KMT2B: variants seen among roughly 807,000 people sequenced by gnomAD.
KMT2B encodes the protein lysine methyltransferase 2B.
Under a neutral mutation model 255.3 loss-of-function variants are expected in KMT2B, and 22 were observed. The ratio of observed to expected loss-of-function variants is 0.09; its 90% CI spans 0.06 to 0.12. KMT2B has a LOEUF of 0.12. KMT2B is among the 10% of genes least tolerant of loss of function. The pLI is 1.00. For synonymous variants in KMT2B, 1,730 were observed against 1,498.1 expected (o/e 1.15, Z -3.57); for missense variants, 3,149 against 3,737.0 (o/e 0.84, Z 4.10).
At position 35,730,481 on chromosome 19, in the gene KMT2B, G is replaced by T. The variant is rs764557497; in HGVS notation, c.5197+19G>T. On this transcript the variant is annotated intron_variant, in intron 24 of 36. Coordinates refer to ENST00000420124, the MANE Select transcript of KMT2B (RefSeq NM_014727.3). Reference sequence around the variant, plus strand: ...CTCATTGGTAAGCTGCCTGCTCTCCGCCCTGTCCTCCTACCCTGTCCTGCC... The same window carrying T: ...CTCATTGGTAAGCTGCCTGCTCTCCTCCCTGTCCTCCTACCCTGTCCTGCC... 6.2e-7 allele frequency: 1 copy of T among 1,613,914 alleles called. No individual in the cohort carries two copies. Among genetic ancestry groups the T allele is most frequent in the Non-Finnish European group, 8.5e-7 (1 of 1,179,860 alleles).
rs1290586818 is a variant in KMT2B at position 35,727,372 on chromosome 19, T to C, written c.4118-66T>C. 1 of 1,593,884 alleles carries C rather than the reference T, an allele frequency of 6.3e-7. No homozygotes were observed. The highest frequency in any genetic ancestry group is 8.6e-7 in the Non-Finnish European group (1 of 1,162,618). ...GGTGGGCTAAGGGTCCTTGCTGGCC[T>C]AGGGGCTGCTGGGAGCCCTCACATC... On this transcript the variant is annotated intron_variant, in intron 15 of 36. Coordinates refer to ENST00000420124, the MANE Select transcript of KMT2B (RefSeq NM_014727.3). This position sits in a 1 kb window ranked among gnomAD's most constrained non-coding sequence, Gnocchi z 4.2.
In KMT2B at chr19:35,718,923, T is replaced by C. The variant is rs1444235405; in HGVS notation, c.363+542T>C. ...ACTGGGCACTCTAGCAGGTCAGAGC[T>C]CAGCTCAGGATTTCTCCCCCAGCCT... On this transcript the variant is annotated intron_variant, in intron 1 of 36. Coordinates refer to ENST00000420124, the MANE Select transcript of KMT2B (RefSeq NM_014727.3). The surrounding 1 kb of genome is among the most constrained non-coding windows in gnomAD (Gnocchi z 5.0). Among the ~76,000 whole-genome samples, 1 of 152,130 alleles carries C rather than the reference T, an allele frequency of 6.6e-6. No homozygotes were observed. The highest frequency in any genetic ancestry group is 2.4e-5 in the African/African-American group (1 of 41,418).
chr19:35,720,198 A>T lies in KMT2B; in HGVS notation c.851A>T (p.Gln284Leu), dbSNP rs767839540. ...CCTGGGACCCCCAGGCGTGGAGGAC[A>T]GTCAAGCCGTGGAGGCCGTGGAGGC... ...PGPGTPRRGG[Q>L]SSRGGRGGRG... The change falls in exon 3 of 37, where the codon CAG becomes CTG. Residue 284 changes from glutamine to leucine, a missense_variant. Gln to Leu is a moderately radical substitution (Grantham distance 113). This residue lies in a region of KMT2B where 1,188 missense variants were observed against 1,106.4 expected (regional missense o/e 1.07). Coordinates refer to ENST00000420124, the MANE Select transcript of KMT2B (RefSeq NM_014727.3). The T allele has an allele frequency of 6.2e-7, 1 of 1,608,528 alleles. No homozygotes were observed. Among genetic ancestry groups the T allele is most frequent in the Admixed American group, 1.7e-5 (1 of 59,102 alleles).
intron 5 of KMT2B, 64 bp from the exon 6 acceptor site, chr19:35,722,931 G>A: frequency 6.8e-7 from 1 of 1,467,290 alleles, no homozygotes; most frequent in Non-Finnish European, 9.0e-7. Context: ...GGGAAAGCAG[G>A]GAAGTGAGGT....
Position 35,738,048 on chromosome 19 carries a change from A to C in KMT2B, c.7743-14A>C. 6.2e-7 allele frequency: 1 copy of C among 1,613,782 alleles called. No individual in the cohort carries two copies. Among genetic ancestry groups the C allele is most frequent in the Non-Finnish European group, 8.5e-7 (1 of 1,179,816 alleles). On this transcript the variant is annotated splice_polypyrimidine_tract_variant and intron_variant, in intron 35 of 36. Coordinates refer to ENST00000420124, the MANE Select transcript of KMT2B (RefSeq NM_014727.3). This position sits in a 1 kb window ranked among gnomAD's most constrained non-coding sequence, Gnocchi z 8.7. ...CCCCTCCCCCCTGAGTTCCCTGTTCATCCTGCCCTGCAGATCAGCCATCCA... is the reference window on the plus strand; with the variant it reads ...CCCCTCCCCCCTGAGTTCCCTGTTCCTCCTGCCCTGCAGATCAGCCATCCA...
chr19:35,721,943 C>T (rs1969231321), intron 3 of KMT2B, 139 bp downstream of exon 3: 2 of 1,193,364 alleles, frequency 1.7e-6, no homozygotes, highest in African/African-American at 1.5e-5. Flanking sequence ...GATCCCCCAC[C>T]TTCCTTTGTT....
Position 35,724,593 on chromosome 19 carries a change from G to T in KMT2B, c.3335-44G>T, listed in dbSNP as rs745636065. ...CATTTGGGGTTGTAGAAGAAGAGGG[G>T]CGTGGAAGGGGAGTGACCTCACTGC... is the stretch of plus-strand genomic sequence containing the variant. On this transcript the variant is annotated intron_variant, in intron 8 of 36. Transcript: ENST00000420124. 6.1e-6 allele frequency: 9 copies of T among 1,471,230 alleles called. 1 individual carries two copies. Among genetic ancestry groups the T allele is most frequent in the Non-Finnish European group, 8.4e-6 (9 of 1,072,670 alleles). The allele number at this position is 1,471,230 out of a possible 1,614,324, so 91.1% of individuals were successfully genotyped here.
At position 35,727,539 on chromosome 19, in the gene KMT2B, G is replaced by A. The variant is rs186268702; in HGVS notation, c.4219G>A (p.Gly1407Arg). The A allele has an allele frequency of 5.2e-4, 840 of 1,608,538 alleles. 1 individual carries two copies. Among genetic ancestry groups the A allele is most frequent in the Admixed American group, 3.3e-3 (196 of 59,920 alleles). The change falls in exon 16 of 37, where the codon GGG becomes AGG. Residue 1407 changes from glycine (G) to arginine (R), a missense_variant. Physicochemically the swap from Gly to Arg is moderately radical, Grantham distance 125 (BLOSUM62 -2). Around this residue, in one of 18 missense-constraint regions of KMT2B, gnomAD observed 377 missense variants for 471.0 expected, o/e 0.80. Transcript: ENST00000420124. This position sits in a 1 kb window ranked among gnomAD's most constrained non-coding sequence, Gnocchi z 4.2. The stretch of plus-strand genomic sequence containing the variant: ...GCCCCGCTGGCGAGAGGCCCTGAGC[G>A]GGGCCCTCCAGGGGGGCCTGCGCCA... ...AQPRWREALS[G>R]ALQGGLRQVL...
chr19:35,728,936 C>A, intron 20 of KMT2B, 47 bp downstream of exon 20: 1 of 1,612,618 alleles, frequency 6.2e-7, no homozygotes, highest in African/African-American at 1.3e-5. Flanking sequence ...TGTTGGTGGC[C>A]TGGCTCCGGG....
rs1200877558 is a variant in KMT2B, at chr19:35,722,691, C to T, written c.2695C>T (p.Arg899Trp). The T allele has an allele frequency of 3.1e-6, 5 of 1,608,336 alleles. No homozygotes were observed. Among genetic ancestry groups the T allele is most frequent in the Non-Finnish European group, 2.5e-6 (3 of 1,177,180 alleles). ...DVPRLSALPLRDRQDLATEDT... is the reference protein window; with the variant it reads ...DVPRLSALPLWDRQDLATEDT... ...CCCTCGCCTCAGTGCCCTCCCTCTCCGGGATCGGCAGGACCTCGCCACAGA... is the reference window on the plus strand; with the variant it reads ...CCCTCGCCTCAGTGCCCTCCCTCTCTGGGATCGGCAGGACCTCGCCACAGA... Residue 899 changes from arginine to tryptophan, a missense_variant, in exon 5 of 37, where the codon CGG (arginine) becomes TGG (tryptophan). Physicochemically the swap from Arg to Trp is moderately radical, Grantham distance 101 (BLOSUM62 -3). Around this residue, in one of 18 missense-constraint regions of KMT2B, gnomAD observed 132 missense variants for 174.7 expected, o/e 0.76. Transcript: ENST00000420124.
At chr19:35,736,108 G>C (rs541857308) in intron 30 of KMT2B, 2 of 150,536 alleles carry the variant, frequency 1.3e-5, no homozygotes, top group Non-Finnish European at 1.5e-5. Flanking sequence ...AAAATTAGCC[G>C]GGCGTGGTGG....
In KMT2B at chr19:35,727,302, A is replaced by G; in HGVS notation, c.4117+33A>G. On this transcript the variant is annotated intron_variant, in intron 15 of 36. Transcript: ENST00000420124. The surrounding 1 kb of genome is among the most constrained non-coding windows in gnomAD (Gnocchi z 4.2). ...AGTGGAGCACCTGGGCTGCAGCCTCAACCCTGTGGGGACCCCTGCCCCCAC... is the reference window on the plus strand; with the variant it reads ...AGTGGAGCACCTGGGCTGCAGCCTCGACCCTGTGGGGACCCCTGCCCCCAC... 6.3e-7 allele frequency: 1 copy of G among 1,593,430 alleles called. No individual in the cohort carries two copies. Among genetic ancestry groups the G allele is most frequent in the South Asian group, 1.1e-5 (1 of 90,620 alleles).
Position 35,719,539 on chromosome 19 carries a change from G to T in KMT2B, c.434G>T (p.Arg145Leu), listed in dbSNP as rs868239007. The change falls in exon 2 of 37, where the codon CGA (arginine) becomes CTA (leucine). Residue 145 changes from arginine (R) to leucine (L), a missense_variant and splice_region_variant. Around this residue, in one of 18 missense-constraint regions of KMT2B, gnomAD observed 1,188 missense variants for 1,106.4 expected, o/e 1.07. Coordinates refer to ENST00000420124, the MANE Select transcript of KMT2B (RefSeq NM_014727.3). Reference protein sequence around the residue: ...SSLRSALRSQRGRAPRGRGRK... With the variant: ...SSLRSALRSQLGRAPRGRGRK... ...CTGCGCTCTGCGCTCCGATCCCAGC[G>T]AGGTGAGTGACGGGGGAACTCCACC... The T allele has an allele frequency of 1.3e-6, 2 of 1,587,370 alleles. No homozygotes were observed. The highest frequency in any genetic ancestry group is 8.6e-7 in the Non-Finnish European group (1 of 1,166,830).
rs1007147127 is a variant in KMT2B at position 35,720,921 on chromosome 19, G to A, written c.1574G>A (p.Arg525Gln). 10 of 1,610,296 alleles carry A rather than the reference G, an allele frequency of 6.2e-6. No homozygotes were observed. The highest frequency in any genetic ancestry group is 4.0e-5 in the African/African-American group (3 of 74,614). ...PKSTTFLKNI[R>Q]QFIMPVVSAR... ...AGCACCACCTTCCTGAAGAATATCC[G>A]GCAGTTTATTATGCCTGTGGTGAGT... is the stretch of plus-strand genomic sequence containing the variant. The change falls in exon 3 of 37, where the codon CGG (arginine) becomes CAG (glutamine). Residue 525 changes from arginine to glutamine, a missense_variant. Transcript: ENST00000420124.
Position 35,730,793 on chromosome 19 carries a change from C to T in KMT2B, c.5363C>T (p.Pro1788Leu), listed in dbSNP as rs773061649. ...CRILEYRPWGPREEPAHLEAA... is the reference protein window; with the variant it reads ...CRILEYRPWGLREEPAHLEAA... ...ATTCTGGAGTATCGGCCATGGGGGC[C>T]GAGGGAAGAGCCAGCTCACCTGGAG... The change falls in exon 26 of 37, where the codon CCG becomes CTG. Residue 1788 changes from proline (P) to leucine (L), a missense_variant. By Grantham distance (98) the Pro-to-Leu change is moderately conservative. Transcript: ENST00000420124. The T allele has an allele frequency of 7.4e-6, 12 of 1,613,700 alleles. No homozygotes were observed. The highest frequency in any genetic ancestry group is 2.2e-5 in the East Asian group (1 of 44,888).
In KMT2B at chr19:35,720,353, T is replaced by C; in HGVS notation, c.1006T>C (p.Trp336Arg). Residue 336 changes from tryptophan (W) to arginine (R), a missense_variant, in exon 3 of 37, where the codon TGG becomes CGG. Trp to Arg is a moderately radical substitution (Grantham distance 101). Coordinates refer to ENST00000420124, the MANE Select transcript of KMT2B (RefSeq NM_014727.3). ...AGGTCAAGGTCAACATGAGGAAAGT[T>C]GGCAGGATGTCCCCCAAAGAAGAGT... The part of the protein sequence containing the change: ...GQGQGQHEES[W>R]QDVPQRRVGS... 1 of 1,606,800 alleles carries C rather than the reference T, an allele frequency of 6.2e-7. No individual in the cohort carries two copies. The highest frequency in any genetic ancestry group is 8.5e-7 in the Non-Finnish European group (1 of 1,176,702).
Position 35,733,224 on chromosome 19 carries a change from C to T in KMT2B, c.6675C>T (p.Ser2225=), listed in dbSNP as rs1969785328. The T allele has an allele frequency of 1.3e-6, 2 of 1,488,134 alleles. No homozygotes were observed. The highest frequency in any genetic ancestry group is 1.8e-6 in the Non-Finnish European group (2 of 1,092,202). 92.2% of individuals were successfully genotyped at this position (1,488,134 alleles called of 1,614,324 possible). A position where few individuals can be genotyped will look rare whatever the true frequency, so the allele number is the denominator to read the frequency against. The part of the protein sequence containing the change: ...VKQPPLPPTI[S]PTAPTSWTLP... ...AGCCACCTTTGCCCCCCACCATTTC[C>T]CCCACGGCTCCCACCTCCTGGACTC... is the stretch of plus-strand genomic sequence containing the variant. Residue 2225 remains serine (S), a synonymous_variant, in exon 28 of 37, where the codon TCC becomes TCT. Transcript: ENST00000420124. The surrounding 1 kb of genome is among the most constrained non-coding windows in gnomAD (Gnocchi z 4.3).
intron 13 of KMT2B, 40 bp from the exon 14 acceptor site, chr19:35,726,196 C>T (rs372784832): frequency 3.4e-5 from 51 of 1,488,470 alleles, no homozygotes; most frequent in Non-Finnish European, 4.6e-5. Flanking sequence ...TGCTCCAGTC[C>T]AGTGCCTGGT....
At position 35,732,776 on chromosome 19, in the gene KMT2B, A is replaced by G. The variant is rs1228464683; in HGVS notation, c.6227A>G (p.Gln2076Arg). ...ACTGACAGTGAGGCTGAGGCGGTGC[A>G]GCAGCCTCGGGGCCAGGGCACGCCT... is the stretch of plus-strand genomic sequence containing the variant. Reference protein sequence around the residue: ...DGTDSEAEAVQQPRGQGTPPS... With the variant: ...DGTDSEAEAVRQPRGQGTPPS... The change falls in exon 28 of 37, where the codon CAG (glutamine) becomes CGG (arginine). Residue 2076 changes from glutamine to arginine, a missense_variant. Physicochemically the swap from Gln to Arg is conservative, Grantham distance 43 (BLOSUM62 1). Coordinates refer to ENST00000420124, the MANE Select transcript of KMT2B (RefSeq NM_014727.3). The G allele has an allele frequency of 6.2e-7, 1 of 1,608,442 alleles. No homozygotes were observed. Among genetic ancestry groups the G allele is most frequent in the Admixed American group, 1.7e-5 (1 of 59,366 alleles).
Sources: allele counts gnomAD v4.1 joint callset (sites outside exome capture counted in the v4.1 genomes callset), GRCh38; gene constraint gnomAD v4.1.1; regional missense constraint gnomAD v4.1.1; non-coding constraint Gnocchi (gnomAD v3.1); transcripts MANE v1.5; gene names NCBI Gene and HGNC (gene_info 2026-07-23, HGNC 2026-07-21).